Variants in FANCC observed in about 807,000 individuals in gnomAD.
The protein encoded by FANCC is Fanconi anemia group C protein.
In FANCC, 55 loss-of-function variants were observed where a neutral mutation model predicts 71.3. The observed-to-expected ratio is 0.77, with a 90% confidence interval of 0.62 to 0.97. FANCC has a LOEUF of 0.97. Ranked by LOEUF, FANCC falls within the 50% of genes least tolerant of loss-of-function variation. The pLI is 0.00. For missense variants in FANCC, 678 were observed against 670.9 expected (o/e 1.01, Z -0.12); for synonymous variants, 275 against 244.9 (o/e 1.12, Z -1.15).
At chr9:95,191,327 C>CTTTTTTTTTTT (rs71366278) in intron 4 of FANCC, among the ~76,000 whole-genome samples, 1 of 53,920 alleles carries the variant, frequency 1.9e-5, no homozygotes, top group Non-Finnish European at 3.2e-5. Context: ...ATCCTACTTC[C>CTTTTTTTTTTT]TTTTTTTTTT....
In FANCC at chr9:95,126,551, G is replaced by A. The variant is rs1306075116; in HGVS notation, c.874C>T (p.Arg292Trp). ...PQAACHPAIF[R>W]VVDEMFRCAL... ...TACCTGAACATCTCATCAACAACCC[G>A]GAATATGGCAGGGTGGCAGGCTGCT... Residue 292 changes from arginine to tryptophan, a missense_variant, in exon 9 of 15, where the codon CGG becomes TGG. Arg to Trp is a moderately radical substitution (Grantham distance 101). Transcript: ENST00000289081. 5.0e-6 allele frequency: 8 copies of A among 1,613,840 alleles called. No individual in the cohort carries two copies. The highest frequency in any genetic ancestry group is 2.2e-5 in the East Asian group (1 of 44,886).
At chr9:95,279,231 T>C (rs191052474) in intron 1 of FANCC, among the ~76,000 whole-genome samples, 17 of 151,536 alleles carry the variant, frequency 1.1e-4, no homozygotes, top group East Asian at 5.8e-4. Context: ...ACCATGAGAA[T>C]AGTTTGAGCC....
At chr9:95,217,270 G>A (rs1410429616) in intron 4 of FANCC, among the ~76,000 whole-genome samples, 2 of 152,262 alleles carry the variant, frequency 1.3e-5, no homozygotes, top group Non-Finnish European at 2.9e-5. Flanking sequence ...TGGATCATGA[G>A]GTCAGGAGAT....
chr9:95,134,020 T>G (rs549836557), intron 8 of FANCC, among the ~76,000 whole-genome samples: 1 of 152,336 alleles, frequency 6.6e-6, no homozygotes, highest in Non-Finnish European at 1.5e-5. Context: ...TCTCTCAGTC[T>G]TAATATACAC....
intron 4 of FANCC, among the ~76,000 whole-genome samples, chr9:95,173,251 A>C (rs1825800258): frequency 6.6e-6 from 1 of 152,162 alleles, no homozygotes; most frequent in Non-Finnish European, 1.5e-5. Context: ...TTCCATACAG[A>C]GTGCAGTTGT....
intron 1 of FANCC, among the ~76,000 whole-genome samples, chr9:95,289,862 T>C (rs1378456412): frequency 1.3e-5 from 2 of 152,152 alleles, no homozygotes; most frequent in Non-Finnish European, 1.5e-5. Flanking sequence ...TCTTGCTATG[T>C]TGCCCAGGCT....
intron 4 of FANCC, among the ~76,000 whole-genome samples, chr9:95,209,871 A>C (rs1248490438): frequency 6.6e-6 from 1 of 152,136 alleles, no homozygotes; most frequent in Non-Finnish European, 1.5e-5. Flanking sequence ...CCTGCTAAAG[A>C]TTGTAACCTG....
intron 1 of FANCC, among the ~76,000 whole-genome samples, chr9:95,276,677 G>C (rs1833059256): frequency 6.6e-6 from 1 of 152,170 alleles, no homozygotes; most frequent in South Asian, 2.1e-4. Context: ...GAGTACTTTT[G>C]CCTACTAACT....
chr9:95,186,184 A>G (rs1174862147), intron 4 of FANCC, among the ~76,000 whole-genome samples: 1 of 152,198 alleles, frequency 6.6e-6, no homozygotes, highest in Non-Finnish European at 1.5e-5. Context: ...ACTACACCAA[A>G]GGCTGGTGTT....
At chr9:95,158,785 C>T (rs1312992651) in intron 6 of FANCC, among the ~76,000 whole-genome samples, 3 of 152,118 alleles carry the variant, frequency 2.0e-5, no homozygotes, top group African/African-American at 4.8e-5. Context: ...GGTCTCTGCC[C>T]GAGGGATGTT....
intron 1 of FANCC, among the ~76,000 whole-genome samples, chr9:95,298,178 C>T (rs1357357018): frequency 6.6e-6 from 1 of 151,940 alleles, no homozygotes; most frequent in African/African-American, 2.4e-5. Flanking sequence ...ATAAGAGATG[C>T]TTATCAGGGA....
At chr9:95,192,741 G>C (rs1331888036) in intron 4 of FANCC, among the ~76,000 whole-genome samples, 1 of 152,194 alleles carries the variant, frequency 6.6e-6, no homozygotes, top group Non-Finnish European at 1.5e-5. Context: ...GGATCTTGCA[G>C]AAATGACAGA....
At chr9:95,208,577 C>T (rs1828297169) in intron 4 of FANCC, among the ~76,000 whole-genome samples, 1 of 152,076 alleles carries the variant, frequency 6.6e-6, no homozygotes, top group African/African-American at 2.4e-5. Context: ...AAAAAATGCA[C>T]CAAAGACTGT....
intron 4 of FANCC, among the ~76,000 whole-genome samples, chr9:95,238,181 C>T (rs1181790295): frequency 6.6e-6 from 1 of 152,134 alleles, no homozygotes; most frequent in Non-Finnish European, 1.5e-5. Context: ...TCCCCTGGGC[C>T]CCTACCCCAG....
intron 4 of FANCC, among the ~76,000 whole-genome samples, chr9:95,178,438 G>C (rs1826144811): frequency 6.6e-6 from 1 of 152,230 alleles, no homozygotes; most frequent in African/African-American, 2.4e-5. Context: ...CTGCTGGTTG[G>C]AGCCCTCACT....
intron 4 of FANCC, among the ~76,000 whole-genome samples, chr9:95,205,383 A>G (rs1828060239): frequency 6.6e-6 from 1 of 152,150 alleles, no homozygotes; most frequent in South Asian, 2.1e-4. Flanking sequence ...TTTATATTTT[A>G]AAAAACTTGA....
chr9:95,278,642 A>G (rs1158878680), intron 1 of FANCC, among the ~76,000 whole-genome samples: 2 of 152,182 alleles, frequency 1.3e-5, no homozygotes, highest in African/African-American at 4.8e-5. Context: ...CTAAGCAATG[A>G]TGTGCACTAC....
At chr9:95,182,419 C>A (rs761565234) in intron 4 of FANCC, among the ~76,000 whole-genome samples, 153 of 152,196 alleles carry the variant, frequency 1.0e-3, no homozygotes, top group Non-Finnish European at 1.8e-3. Flanking sequence ...ACTCGGGAGG[C>A]CAAGGCAGGA....
chr9:95,136,897 C>T (rs1192660555), intron 7 of FANCC, among the ~76,000 whole-genome samples: 3 of 152,192 alleles, frequency 2.0e-5, no homozygotes, highest in Non-Finnish European at 4.4e-5. Flanking sequence ...ATGAGGGGCA[C>T]ATGTCTGTCT....
Sources: allele counts gnomAD v4.1 joint callset (sites outside exome capture counted in the v4.1 genomes callset), GRCh38; gene constraint gnomAD v4.1.1; transcripts MANE v1.5; gene names NCBI Gene and HGNC (gene_info 2026-07-23, HGNC 2026-07-21).